Variants in MRPS27 observed in about 807,000 individuals in gnomAD.
MRPS27 encodes mitochondrial ribosomal protein S27, also known as small ribosomal subunit protein mS27.
A neutral mutation model predicts 48.9 loss-of-function variants in MRPS27; 43 were observed. The observed-to-expected ratio is 0.88, with a 90% CI of 0.69 to 1.13. The LOEUF (loss-of-function observed/expected upper bound fraction) is 1.13. MRPS27 is among the 50% of genes most tolerant of loss of function. MRPS27 has a pLI of 0.00. For missense variants in MRPS27, 467 were observed against 476.3 expected (o/e 0.98, Z 0.18); for synonymous variants, 188 against 171.9 (o/e 1.09, Z -0.73).
At chr5:72,303,286 G>A (rs1178499852) in intron 2 of MRPS27, among the ~76,000 whole-genome samples, 1 of 152,150 alleles carries the variant, frequency 6.6e-6, no homozygotes, top group Non-Finnish European at 1.5e-5. Flanking sequence ...TTTATTTTAT[G>A]TGAAGAATAC....
intron 2 of MRPS27, among the ~76,000 whole-genome samples, chr5:72,311,219 T>C (rs1337576229): frequency 6.6e-6 from 1 of 152,208 alleles, no homozygotes. Context: ...GCTATGATTA[T>C]ACAATAGAAT....
intron 2 of MRPS27, among the ~76,000 whole-genome samples, chr5:72,300,860 C>T (rs1332326102): frequency 6.6e-6 from 1 of 152,148 alleles, no homozygotes; most frequent in East Asian, 1.9e-4. Flanking sequence ...CCAATAAATG[C>T]TAATCTGTGT....
At chr5:72,228,207 G>A (rs1203570450) in intron 8 of MRPS27, 59 bp downstream of exon 8, 2 of 1,343,396 alleles carry the variant, frequency 1.5e-6, no homozygotes, top group South Asian at 1.2e-5. Context: ...ATTATGAACT[G>A]GAAGAATGCA....
At position 72,229,355 on chromosome 5, in the gene MRPS27, T is replaced by C. The variant is rs184692492; in HGVS notation, c.592-987A>G. 56 of 152,206 alleles carry C rather than the reference T, an allele frequency of 3.7e-4. No individual in the cohort carries two copies. In the East Asian group the frequency reaches 8.3e-3, roughly 23 times the overall value. The allele number at this position is 152,206 out of a possible 1,614,324, so 9.4% of individuals were successfully genotyped here. ...GTAAGTAGGCTTTGTGCAATACAAG[T>C]GTCATTTCTTGAGGCTGCTCCCCAG... is the stretch of plus-strand genomic sequence containing the variant. On this transcript the variant is annotated intron_variant, in intron 7 of 10. Transcript: ENST00000261413.
chr5:72,244,106 T>G (rs1448553651), intron 4 of MRPS27, among the ~76,000 whole-genome samples: 1 of 152,118 alleles, frequency 6.6e-6, no homozygotes, highest in African/African-American at 2.4e-5. Flanking sequence ...CCAGAAGAAT[T>G]TGAAAAAATT....
intron 4 of MRPS27, chr5:72,241,772 T>A (rs1748357094): frequency 2.2e-6 from 3 of 1,336,934 alleles, no homozygotes. Flanking sequence ...GCTTTTGTTC[T>A]CGCCTGCTCT....
chr5:72,228,154 C>T (rs1747948705), intron 8 of MRPS27, 112 bp downstream of exon 8: 1 of 926,114 alleles, frequency 1.1e-6, no homozygotes, highest in Non-Finnish European at 1.7e-6. Flanking sequence ...AAAACGAAGG[C>T]TAATTGGATT....
intron 4 of MRPS27, among the ~76,000 whole-genome samples, chr5:72,265,141 C>T (rs540195509): frequency 6.6e-6 from 1 of 152,300 alleles, no homozygotes; most frequent in South Asian, 2.1e-4. Flanking sequence ...AGGACCTTTG[C>T]TAATTATGAG....
chr5:72,221,283 C>T, intron 10 of MRPS27, 135 bp from the exon 11 acceptor site: 1 of 1,122,690 alleles, frequency 8.9e-7, no homozygotes, highest in Non-Finnish European at 1.3e-6. Flanking sequence ...AGTCCTCATT[C>T]TAGTGGCCCA....
At chr5:72,292,469 T>C (rs1192001075) in intron 4 of MRPS27, among the ~76,000 whole-genome samples, 5 of 152,200 alleles carry the variant, frequency 3.3e-5, no homozygotes, top group African/African-American at 1.2e-4. Context: ...ATCCCTTTAA[T>C]GTTGAAGTCC....
intron 4 of MRPS27, among the ~76,000 whole-genome samples, chr5:72,280,297 T>C (rs1402725548): frequency 6.6e-6 from 1 of 152,196 alleles, no homozygotes; most frequent in Non-Finnish European, 1.5e-5. Context: ...AATTTATAGA[T>C]GAAATGTGAC....
At chr5:72,309,453 G>A (rs1348750144) in intron 2 of MRPS27, among the ~76,000 whole-genome samples, 1 of 152,018 alleles carries the variant, frequency 6.6e-6, no homozygotes, top group Non-Finnish European at 1.5e-5. Flanking sequence ...TAGTAGAGGC[G>A]GGGTTTCACC....
intron 5 of MRPS27, 76 bp downstream of exon 5, chr5:72,237,938 G>T: frequency 1.0e-6 from 1 of 975,770 alleles, no homozygotes; most frequent in Non-Finnish European, 1.6e-6. Context: ...GTTATTCTTT[G>T]CTGTACTACA....
At chr5:72,293,802 A>G (rs1185770150) in intron 4 of MRPS27, among the ~76,000 whole-genome samples, 2 of 152,234 alleles carry the variant, frequency 1.3e-5, no homozygotes, top group South Asian at 2.1e-4. Flanking sequence ...TCTAAAAAAC[A>G]GTTTATATTT....
intron 4 of MRPS27, among the ~76,000 whole-genome samples, chr5:72,247,234 C>T (rs566424083): frequency 7.4e-4 from 112 of 152,254 alleles, no homozygotes; most frequent in African/African-American, 2.1e-3. Flanking sequence ...ACACAGCTTA[C>T]GGGCCAAACA....
chr5:72,306,000 G>T (rs1374609766), intron 2 of MRPS27, among the ~76,000 whole-genome samples: 1 of 152,156 alleles, frequency 6.6e-6, no homozygotes, highest in Non-Finnish European at 1.5e-5. Flanking sequence ...GGAAAGCCCA[G>T]GGCTCTACAG....
chr5:72,313,944 CTT>C, intron 2 of MRPS27, 135 bp downstream of exon 2: 1 of 630,040 alleles, frequency 1.6e-6, no homozygotes, highest in Non-Finnish European at 2.6e-6. Flanking sequence ...AAGTCTAACT[CTT>C]TAAGACTTAA....
Position 72,227,047 on chromosome 5 carries a change from G to C in MRPS27, c.695-848C>G, listed in dbSNP as rs149360607. The C allele has an allele frequency of 4.6e-5, 7 of 152,372 alleles. No homozygotes were observed. The East Asian group carries it at 1.4e-3, about 29-fold the overall frequency. 9.4% of individuals were successfully genotyped at this position (152,372 alleles called of 1,614,324 possible). On this transcript the variant is annotated intron_variant, in intron 8 of 10. Transcript: ENST00000261413. ...GCTTATCAGGCGACAGCTAATTTTAGACCTTTAAGGTGCTTGGGGCTGGAC... is the reference window on the plus strand; with the variant it reads ...GCTTATCAGGCGACAGCTAATTTTACACCTTTAAGGTGCTTGGGGCTGGAC...
chr5:72,301,987 C>T (rs1750136835), intron 2 of MRPS27, among the ~76,000 whole-genome samples: 2 of 152,138 alleles, frequency 1.3e-5, no homozygotes, highest in Admixed American at 6.5e-5. Context: ...AAGAGATGTG[C>T]CAAAGAAGAT....
Sources: gnomAD v4.1 joint callset for allele counts (sites outside exome capture counted in the v4.1 genomes callset) on GRCh38, gnomAD v4.1.1 for gene constraint, MANE v1.5 for transcripts, NCBI Gene and HGNC (gene_info 2026-07-23, HGNC 2026-07-21) for gene names.